The following CALCRL variants were observed in gnomAD, a reference collection of about 807,000 sequenced individuals.
CALCRL encodes calcitonin receptor like receptor, also known as calcitonin gene-related peptide type 1 receptor.
Under a neutral mutation model 60.4 loss-of-function variants are expected in CALCRL, and 27 were observed. The observed-to-expected ratio is 0.45, with a 90% confidence interval of 0.33 to 0.62. The LOEUF (loss-of-function observed/expected upper bound fraction) is 0.62, where lower values mean the gene tolerates loss of function less well. CALCRL is among the 20% of genes least tolerant of loss of function. The probability of loss-of-function intolerance (pLI) is 0.03; values close to 1 mark genes in which losing one functional copy is unlikely to be tolerated. For synonymous variants in CALCRL, 190 were observed against 182.6 expected, an observed-to-expected ratio of 1.04 and a Z score of -0.33; for missense variants, 424 against 540.7, an observed-to-expected ratio of 0.78 and a Z score of 2.14.
chr2:187,419,023 ATTT>A lies in CALCRL; in HGVS notation c.-293+29013_-293+29015del, dbSNP rs33929530. 7.3e-3 allele frequency among the ~76,000 whole-genome samples: 632 copies of A among 86,004 alleles called. 7 individuals are homozygous for A. Among genetic ancestry groups the A allele is most frequent in the East Asian group, 0.032 (100 of 3,128 alleles). The allele number at this position is 86,004 out of a possible 152,430, so 56.4% of individuals were successfully genotyped here. A position where few individuals can be genotyped will look rare whatever the true frequency, so the allele number is the denominator to read the frequency against. ...AGGCACGCACCACCACGTCTGGCTA[ATTT>A]TTTTTTTTTTTTTTTTTTTTTGGTA... On this transcript the variant is annotated intron_variant, in intron 1 of 14. Transcript: ENST00000392370.
chr2:187,435,386 G>A (rs1690589335), intron 1 of CALCRL, among the ~76,000 whole-genome samples: 1 of 152,156 alleles, frequency 6.6e-6, no homozygotes, highest in African/African-American at 2.4e-5. Flanking sequence ...TTATCACCAA[G>A]GGGATGGTGC....
At chr2:187,374,763 C>T (rs112055166) in intron 8 of CALCRL, among the ~76,000 whole-genome samples, 148 of 152,078 alleles carry the variant, frequency 9.7e-4, no homozygotes, top group Non-Finnish European at 1.8e-3. Flanking sequence ...AAATCAGTAA[C>T]TCTTACTACT....
chr2:187,360,997 T>G (rs73979871), intron 9 of CALCRL, among the ~76,000 whole-genome samples: 2,858 of 152,164 alleles, frequency 0.019, 90 homozygotes, highest in African/African-American at 0.065. Flanking sequence ...CTAAATCTAC[T>G]TTATTTAGTG....
At chr2:187,357,831 A>T (rs1686866106) in intron 12 of CALCRL, among the ~76,000 whole-genome samples, 2 of 36,420 alleles carry the variant, frequency 5.5e-5, no homozygotes, top group Non-Finnish European at 1.2e-4. Flanking sequence ...AAAGAAAAAA[A>T]AAGACCCAAA....
chr2:187,346,363 T>G lies in CALCRL; in HGVS notation c.1207A>C (p.Lys403Gln). The G allele has an allele frequency of 1.2e-6, 2 of 1,612,020 alleles. No homozygotes were observed. Residue 403 changes from lysine to glutamine, a missense_variant, in exon 15 of 15, where the codon AAA (lysine) becomes CAA (glutamine). Lys to Gln is a moderately conservative substitution (Grantham distance 53). Around this residue, in one of 7 missense-constraint regions of CALCRL, gnomAD observed 222 missense variants for 265.6 expected, o/e 0.84. Coordinates refer to ENST00000392370, the MANE Select transcript of CALCRL (RefSeq NM_005795.6). ...GAAAAGCTGTTTCCAAATTGGATTT[T>G]GTATTGATTCCAGTTTCTTCTCAGA... ...AILRRNWNQY[K>Q]IQFGNSFSNS...
chr2:187,422,503 G>A (rs1323334475), intron 1 of CALCRL, among the ~76,000 whole-genome samples: 1 of 152,102 alleles, frequency 6.6e-6, no homozygotes, highest in Non-Finnish European at 1.5e-5. Flanking sequence ...GTTTCCTGAA[G>A]CCCAGACTTA....
intron 1 of CALCRL, 74 bp from the exon 2 acceptor site, chr2:187,387,830 T>A: frequency 2.6e-6 from 1 of 380,430 alleles, no homozygotes; most frequent in Non-Finnish European, 4.6e-6. Flanking sequence ...AATTAAAAAC[T>A]TCAAAGAAAA....
intron 14 of CALCRL, among the ~76,000 whole-genome samples, chr2:187,347,520 T>C (rs1412111797): frequency 1.3e-5 from 2 of 151,866 alleles, no homozygotes; most frequent in Non-Finnish European, 2.9e-5. Flanking sequence ...ACTACTTATA[T>C]AGAATTCCTC....
At chr2:187,393,631 A>G (rs1430176474) in intron 1 of CALCRL, among the ~76,000 whole-genome samples, 2 of 152,146 alleles carry the variant, frequency 1.3e-5, no homozygotes, top group Non-Finnish European at 2.9e-5. Flanking sequence ...AAGTGATCAC[A>G]TAAAGAGGGT....
intron 8 of CALCRL, among the ~76,000 whole-genome samples, chr2:187,377,640 C>G (rs575549507): frequency 1.3e-5 from 2 of 152,140 alleles, no homozygotes; most frequent in South Asian, 4.1e-4. Flanking sequence ...ATAGTACAAA[C>G]TATGGGAAAA....
At chr2:187,369,654 A>G (rs78967758) in intron 8 of CALCRL, among the ~76,000 whole-genome samples, 138 of 152,306 alleles carry the variant, frequency 9.1e-4, no homozygotes, top group African/African-American at 3.0e-3. Flanking sequence ...AGTTGTGAAT[A>G]ATACAAAGCA....
At chr2:187,382,644 A>G (rs1688028186) in intron 5 of CALCRL, among the ~76,000 whole-genome samples, 1 of 152,102 alleles carries the variant, frequency 6.6e-6, no homozygotes, top group African/African-American at 2.4e-5. Context: ...GAATCTAGTC[A>G]AGTATCTGGT....
At chr2:187,445,704 T>C (rs1350599009) in intron 1 of CALCRL, among the ~76,000 whole-genome samples, 1 of 151,546 alleles carries the variant, frequency 6.6e-6, no homozygotes, top group Non-Finnish European at 1.5e-5. Context: ...TACCTTTATA[T>C]TATTTTCAAT....
At chr2:187,445,890 A>G (rs1468564360) in intron 1 of CALCRL, among the ~76,000 whole-genome samples, 1 of 151,570 alleles carries the variant, frequency 6.6e-6, no homozygotes, top group Admixed American at 6.6e-5. Context: ...ATAATTTTTA[A>G]AATTACAGAC....
In CALCRL at chr2:187,378,514, G is replaced by A. The variant is rs999923889; in HGVS notation, c.500+426C>T. 2.2e-4 allele frequency among the ~76,000 whole-genome samples: 33 copies of A among 152,092 alleles called. 2 individuals are homozygous for A. The highest frequency in any genetic ancestry group is 2.1e-4 in the South Asian group (1 of 4,828). ...AAAAACCCTAAACAAAGTGTATTTA[G>A]ATTATATTTTTGATGATATATGTTA... is the stretch of plus-strand genomic sequence containing the variant. On this transcript the variant is annotated intron_variant, in intron 8 of 14. Coordinates refer to ENST00000392370, the MANE Select transcript of CALCRL (RefSeq NM_005795.6).
chr2:187,421,098 A>G (rs1244070651), intron 1 of CALCRL, among the ~76,000 whole-genome samples: 1 of 152,202 alleles, frequency 6.6e-6, no homozygotes, highest in Admixed American at 6.5e-5. Context: ...CATCTTTGTC[A>G]TCTGAAAATA....
At chr2:187,349,222 T>A (rs752440543) in intron 14 of CALCRL, among the ~76,000 whole-genome samples, 15 of 151,662 alleles carry the variant, frequency 9.9e-5, no homozygotes, top group Non-Finnish European at 1.8e-4. Context: ...ACAGTGCACA[T>A]TTTTGTCTGA....
chr2:187,368,630 G>C (rs966755394), intron 8 of CALCRL, among the ~76,000 whole-genome samples: 1 of 151,942 alleles, frequency 6.6e-6, no homozygotes, highest in Non-Finnish European at 1.5e-5. Flanking sequence ...ATTTGCTTTT[G>C]ACATGAGCTA....
intron 1 of CALCRL, among the ~76,000 whole-genome samples, chr2:187,429,301 A>G (rs572603314): frequency 5.3e-5 from 8 of 152,288 alleles, no homozygotes; most frequent in African/African-American, 7.2e-5. Context: ...TATAAATCAC[A>G]TAGTTGGTTA....
Sources: gnomAD v4.1 joint callset for allele counts (sites outside exome capture counted in the v4.1 genomes callset) on GRCh38, gnomAD v4.1.1 for gene constraint, gnomAD v4.1.1 regional missense constraint, MANE v1.5 for transcripts, NCBI Gene and HGNC (gene_info 2026-07-23, HGNC 2026-07-21) for gene names.